ZNF423: variants seen among roughly 807,000 people sequenced by gnomAD.
ZNF423 encodes Ebf-associated zinc finger protein.
In ZNF423, 12 loss-of-function variants were observed where a neutral mutation model predicts 95.8. That is an observed-to-expected ratio of 0.13 (90% CI 0.08 to 0.20). The LOEUF is 0.20. ZNF423 is among the 10% of genes least tolerant of loss of function. ZNF423 has a pLI of 1.00. For missense variants in ZNF423, 1,316 were observed against 1,737.1 expected (o/e 0.76, Z 4.31); for synonymous variants, 749 against 711.9 (o/e 1.05, Z -0.83).
intron 1 of ZNF423, among the ~76,000 whole-genome samples, chr16:49,836,240 C>A (rs2035118681): frequency 1.3e-5 from 2 of 152,162 alleles, no homozygotes; most frequent in Admixed American, 1.3e-4. Flanking sequence ...AATCAGGAAG[C>A]AAGTACAGCC....
At position 49,663,557 on chromosome 16, in the gene ZNF423, C is replaced by G. The variant is rs578245303; in HGVS notation, c.302-24683G>C. 2.6e-3 allele frequency among the ~76,000 whole-genome samples: 390 copies of G among 152,342 alleles called. 1 individual carries two copies. The highest frequency in any genetic ancestry group is 4.7e-3 in the Non-Finnish European group (320 of 68,038). On this transcript the variant is annotated intron_variant, in intron 3 of 7. Transcript: ENST00000563137. ...TTTTAGGTGGCAAAGTCAGGCCCGG[C>G]AGCTGCACTCTGGTGGCCTCCCTCC...
intron 5 of ZNF423, among the ~76,000 whole-genome samples, chr16:49,587,924 A>T (rs1450829030): frequency 1.3e-5 from 2 of 152,072 alleles, no homozygotes; most frequent in Non-Finnish European, 2.9e-5. Context: ...CCCTATCTTC[A>T]CATATCTATT....
At position 49,514,551 on chromosome 16, in the gene ZNF423, C is replaced by T. The variant is rs550857309; in HGVS notation, c.3849+9073G>A. ...TCCCGCCCCTGTCTCAGAGAGCTCTCCCTCTGGCCGGGTACCAGGACCCTG... is the reference window on the plus strand; with the variant it reads ...TCCCGCCCCTGTCTCAGAGAGCTCTTCCTCTGGCCGGGTACCAGGACCCTG... On this transcript the variant is annotated intron_variant, in intron 7 of 7. Coordinates refer to ENST00000563137, the MANE Select transcript of ZNF423 (RefSeq NM_001379286.1). 2.0e-5 allele frequency among the ~76,000 whole-genome samples: 3 copies of T among 152,306 alleles called. No individual in the cohort carries two copies. In the South Asian group the frequency reaches 6.2e-4, roughly 32 times the overall value.
At chr16:49,590,939 T>C (rs1970994506) in intron 5 of ZNF423, among the ~76,000 whole-genome samples, 1 of 152,220 alleles carries the variant, frequency 6.6e-6, no homozygotes, top group Non-Finnish European at 1.5e-5. Context: ...TTGTTTCTAA[T>C]AGTGACACTA....
At chr16:49,831,939 T>C (rs1313072753) in intron 1 of ZNF423, among the ~76,000 whole-genome samples, 1 of 150,534 alleles carries the variant, frequency 6.6e-6, no homozygotes, top group African/African-American at 2.5e-5. Context: ...AGGCAGAGGT[T>C]GCAGTAAGCA....
intron 5 of ZNF423, among the ~76,000 whole-genome samples, chr16:49,545,142 G>C (rs1182197236): frequency 3.3e-5 from 5 of 152,232 alleles, no homozygotes; most frequent in African/African-American, 1.2e-4. Context: ...CTTCCCCTTG[G>C]CCTCTACGGA....
intron 5 of ZNF423, among the ~76,000 whole-genome samples, chr16:49,620,556 G>C (rs1032857530): frequency 2.0e-5 from 3 of 152,026 alleles, no homozygotes; most frequent in African/African-American, 7.2e-5. Flanking sequence ...CTGGCTGCCC[G>C]CCAGAGAGTC....
chr16:49,541,838 G>C (rs895783364), intron 5 of ZNF423, among the ~76,000 whole-genome samples: 1 of 152,150 alleles, frequency 6.6e-6, no homozygotes, highest in African/African-American at 2.4e-5. Context: ...TGTGAAGAAG[G>C]ACATGTTTGC....
chr16:49,782,983 A>G (rs2034238441), intron 2 of ZNF423, among the ~76,000 whole-genome samples: 1 of 149,832 alleles, frequency 6.7e-6, no homozygotes, highest in Non-Finnish European at 1.5e-5. Context: ...AAAAAAAAAG[A>G]TGAGCAGCTT....
At position 49,636,192 on chromosome 16, in the gene ZNF423, G is replaced by A. The variant is rs143393771; in HGVS notation, c.2984C>T (p.Thr995Met). 260 of 1,613,374 alleles carry A rather than the reference G, an allele frequency of 1.6e-4. 1 individual carries two copies. The highest frequency in any genetic ancestry group is 2.8e-4 in the Admixed American group (17 of 60,006). Residue 995 changes from threonine to methionine, a missense_variant, in exon 4 of 8, where the codon ACG becomes ATG. Physicochemically the swap from Thr to Met is moderately conservative, Grantham distance 81 (BLOSUM62 -1). This residue lies in a region of ZNF423 where 620 missense variants were observed against 775.6 expected (regional missense o/e 0.80). Transcript: ENST00000563137. The surrounding 1 kb of genome is among the most constrained non-coding windows in gnomAD (Gnocchi z 8.6). ...HKVTHSKSLD[T>M]GTCRICKMPL... ...CATCTTGCAGATGCGACAGGTGCCC[G>A]TGTCCAGGCTCTTGCTGTGGGTCAC...
At chr16:49,777,453 T>C (rs375050785) in intron 2 of ZNF423, among the ~76,000 whole-genome samples, 14 of 152,344 alleles carry the variant, frequency 9.2e-5, no homozygotes, top group African/African-American at 3.4e-4. Context: ...TGTGTGCACA[T>C]GCATGCACAC....
chr16:49,846,729 C>A (rs924668174), intron 1 of ZNF423, among the ~76,000 whole-genome samples: 3 of 152,192 alleles, frequency 2.0e-5, no homozygotes, highest in African/African-American at 2.4e-5. Context: ...CCCTGGGGAC[C>A]CTCAGGAGCT....
intron 2 of ZNF423, among the ~76,000 whole-genome samples, chr16:49,744,774 C>T (rs1006571251): frequency 1.3e-5 from 2 of 152,188 alleles, no homozygotes; most frequent in Non-Finnish European, 2.9e-5. Context: ...GCTGCCTCTG[C>T]CTGATGGCCA....
chr16:49,535,569 C>A (rs1399836377), intron 5 of ZNF423, among the ~76,000 whole-genome samples: 2 of 152,128 alleles, frequency 1.3e-5, no homozygotes. Flanking sequence ...ATGAAATAAA[C>A]CACACACAAG....
At chr16:49,819,129 T>C (rs2034901052) in intron 1 of ZNF423, among the ~76,000 whole-genome samples, 1 of 151,018 alleles carries the variant, frequency 6.6e-6, no homozygotes, top group African/African-American at 2.4e-5. Flanking sequence ...AGTGGGTGCC[T>C]GTAGTCCTAG....
At chr16:49,613,640 G>GC (rs1338548857) in intron 5 of ZNF423, among the ~76,000 whole-genome samples, 1 of 152,172 alleles carries the variant, frequency 6.6e-6, no homozygotes, top group East Asian at 1.9e-4. Flanking sequence ...AGAGTTCAAG[G>GC]CTTCAGTGAG....
At chr16:49,568,910 C>G (rs538388664) in intron 5 of ZNF423, among the ~76,000 whole-genome samples, 1 of 152,222 alleles carries the variant, frequency 6.6e-6, no homozygotes, top group East Asian at 1.9e-4. Flanking sequence ...GTCCCAGGGC[C>G]TTCCCACCGC....
At chr16:49,523,802 T>A in intron 6 of ZNF423, 63 bp from the exon 7 acceptor site, 1 of 1,376,304 alleles carries the variant, frequency 7.3e-7, no homozygotes, top group Non-Finnish European at 1.0e-6. Context: ...CTGTGGCAGC[T>A]GCCCCCACAA....
At chr16:49,809,552 G>A (rs1174757059) in intron 1 of ZNF423, among the ~76,000 whole-genome samples, 2 of 152,214 alleles carry the variant, frequency 1.3e-5, no homozygotes, top group Non-Finnish European at 1.5e-5. Flanking sequence ...CCAAGAAGGC[G>A]AGAGGGGGAC....
Sources: allele counts gnomAD v4.1 joint callset (sites outside exome capture counted in the v4.1 genomes callset), GRCh38; gene constraint gnomAD v4.1.1; regional missense constraint gnomAD v4.1.1; non-coding constraint Gnocchi (gnomAD v3.1); transcripts MANE v1.5; gene names NCBI Gene and HGNC (gene_info 2026-07-23, HGNC 2026-07-21).